RPP38: variants seen among roughly 807,000 people sequenced by gnomAD.
RPP38 encodes the protein ribonuclease P protein subunit p38.
Under a neutral mutation model 1.7 loss-of-function variants are expected in RPP38, and 2 were observed. The observed-to-expected ratio is 1.18, with a 90% CI of 0.48 to 3.70. The LOEUF (loss-of-function observed/expected upper bound fraction) is 3.70. Among genes scored for constraint, RPP38 ranks in the 30% most tolerant of loss-of-function variants. The pLI is 0.07. For synonymous variants in RPP38, 151 were observed against 131.8 expected (o/e 1.15, Z -1.00); for missense variants, 358 against 340.1 (o/e 1.05, Z -0.41).
At chr10:15,102,138 C>G (rs1845125721) in intron 1 of RPP38, 80 bp from the exon 2 acceptor site, 1 of 151,356 alleles carries the variant, frequency 6.6e-6, no homozygotes, top group Non-Finnish European at 1.5e-5. Context: ...TCGGGTCTTG[C>G]TTACTGTGAG....
Position 15,103,998 on chromosome 10 carries a change from C to CAG in RPP38, c.689_690dup (p.Leu231SerfsTer25). Reference sequence around the variant, plus strand: ...AGACTGAACCTCTGGAAAGCCAAGACAGAGAGCTTTTGGACACTTCATTTG... The same window carrying CAG: ...AGACTGAACCTCTGGAAAGCCAAGACAGAGAGAGCTTTTGGACACTTCATTTG... On this transcript the variant is annotated frameshift_variant, in exon 3 of 3. Transcript: ENST00000378197. LOFTEE classifies it low-confidence loss of function (END_TRUNC). The CAG allele has an allele frequency of 6.2e-7, 1 of 1,614,094 alleles. No individual in the cohort carries two copies. The highest frequency in any genetic ancestry group is 8.5e-7 in the Non-Finnish European group (1 of 1,180,002).
rs1845218881 is a variant in RPP38, at chr10:15,104,086, C to A, written c.772C>A (p.Pro258Thr). 2 of 1,609,936 alleles carry A rather than the reference C, an allele frequency of 1.2e-6. No individual in the cohort carries two copies. The highest frequency in any genetic ancestry group is 1.7e-5 in the Admixed American group (1 of 59,016). The change falls in exon 3 of 3, where the codon CCC becomes ACC. Residue 258 changes from proline (P) to threonine (T), a missense_variant. Pro to Thr is a conservative substitution (Grantham distance 38). Transcript: ENST00000378197. Reference sequence around the variant, plus strand: ...TCGGCAGGCTTCTGTAACATTACAACCCCTTAAAATAAAGAAACTGATTCC... The same window carrying A: ...TCGGCAGGCTTCTGTAACATTACAAACCCTTAAAATAAAGAAACTGATTCC... ...DGRQASVTLQ[P>T]LKIKKLIPNP... is the part of the protein sequence containing the mutation.
Position 15,103,770 on chromosome 10 carries a change from A to T in RPP38, c.456A>T (p.Leu152=), listed in dbSNP as rs780364203. The change falls in exon 3 of 3, where the codon CTA becomes CTT. Residue 152 remains leucine, a synonymous_variant. Transcript: ENST00000378197. ...CCTCACACTTGATTCAGTTAAGCCT[A>T]AGCAGAAGTGTCCCTGCCTGTCAGG... is the stretch of plus-strand genomic sequence containing the variant. ...MITSHLIQLS[L]SRSVPACQVP... is the part of the protein sequence containing the mutation. 2 of 1,614,000 alleles carry T rather than the reference A, an allele frequency of 1.2e-6. No individual in the cohort carries two copies. Among genetic ancestry groups the T allele is most frequent in the Admixed American group, 3.3e-5 (2 of 60,008 alleles).
Position 15,103,531 on chromosome 10 carries a change from A to T in RPP38, c.217A>T (p.Lys73Ter), listed in dbSNP as rs1845188455. ...KKKKNKTPFL[K>*]KESREKCSIA... ...GAAAAAGAACAAAACACCTTTTCTGAAAAAAGAAAGCAGAGAGAAATGCAG... is the reference window on the plus strand; with the variant it reads ...GAAAAAGAACAAAACACCTTTTCTGTAAAAAGAAAGCAGAGAGAAATGCAG... Residue 73 changes from lysine (K) to a stop codon, truncating the protein, a stop_gained, in exon 3 of 3, where the codon AAA (lysine) becomes TAA (stop). Coordinates refer to ENST00000378197, the MANE Select transcript of RPP38 (RefSeq NM_183005.5). LOFTEE classifies it low-confidence loss of function (END_TRUNC). 6.2e-7 allele frequency: 1 copy of T among 1,614,016 alleles called. No individual in the cohort carries two copies. The highest frequency in any genetic ancestry group is 1.7e-5 in the Admixed American group (1 of 60,004).
rs117151080 is a variant in RPP38 at position 15,097,371 on chromosome 10, G to A, written c.-525G>A. 2,274 of 152,412 alleles carry A rather than the reference G, an allele frequency of 0.015. 34 individuals are homozygous for A. The highest frequency in any genetic ancestry group is 0.042 in the Admixed American group (641 of 15,306). The allele number at this position is 152,412 out of a possible 1,614,324, so 9.4% of individuals were successfully genotyped here. On this transcript the variant is annotated 5_prime_UTR_variant, in exon 1 of 3. Coordinates refer to ENST00000378197, the MANE Select transcript of RPP38 (RefSeq NM_183005.5). ...AGGCGCACTGGGCGCCGGTGCTGTTGCCTTCAGGTGACCACGGATTCGCCA... is the reference window on the plus strand; with the variant it reads ...AGGCGCACTGGGCGCCGGTGCTGTTACCTTCAGGTGACCACGGATTCGCCA...
chr10:15,100,743 C>G (rs929285432), intron 1 of RPP38, among the ~76,000 whole-genome samples: 2 of 151,462 alleles, frequency 1.3e-5, no homozygotes, highest in African/African-American at 4.9e-5. Context: ...TGCAGTGGCG[C>G]GATCTTGACT....
rs1845187797 is a variant in RPP38, at chr10:15,103,512, G to C, written c.198G>C (p.Lys66Asn). Residue 66 changes from lysine to asparagine, a missense_variant, in exon 3 of 3, where the codon AAG becomes AAC. Coordinates refer to ENST00000378197, the MANE Select transcript of RPP38 (RefSeq NM_183005.5). ...AGAAGATTGAAGATAAGAAGAAAAA[G>C]AACAAAACACCTTTTCTGAAAAAAG... is the stretch of plus-strand genomic sequence containing the variant. ...GLQKIEDKKK[K>N]NKTPFLKKES... 1 of 1,613,910 alleles carries C rather than the reference G, an allele frequency of 6.2e-7. No homozygotes were observed. The highest frequency in any genetic ancestry group is 8.5e-7 in the Non-Finnish European group (1 of 1,180,004).
chr10:15,099,898 G>A (rs1309922230), intron 1 of RPP38, among the ~76,000 whole-genome samples: 1 of 152,222 alleles, frequency 6.6e-6, no homozygotes, highest in African/African-American at 2.4e-5. Context: ...GTTCAAGGCT[G>A]CAGTGAGCCA....
intron 1 of RPP38, among the ~76,000 whole-genome samples, chr10:15,101,121 C>T (rs1025456177): frequency 6.6e-6 from 1 of 152,214 alleles, no homozygotes; most frequent in African/African-American, 2.4e-5. Flanking sequence ...ATTGAAAGAA[C>T]AGAAAACTTG....
chr10:15,100,914 C>T (rs889333486), intron 1 of RPP38, among the ~76,000 whole-genome samples: 1 of 152,194 alleles, frequency 6.6e-6, no homozygotes, highest in Non-Finnish European at 1.5e-5. Context: ...AACTCCTGAC[C>T]TTATGATCCG....
At chr10:15,101,298 G>T (rs552966186) in intron 1 of RPP38, among the ~76,000 whole-genome samples, 1 of 152,326 alleles carries the variant, frequency 6.6e-6, no homozygotes, top group East Asian at 1.9e-4. Context: ...TGCCAGCCTA[G>T]TAAGTGGTAG....
intron 1 of RPP38, among the ~76,000 whole-genome samples, chr10:15,098,905 A>AAAAAGTC (rs1554818067): frequency 0.011 from 1,516 of 136,962 alleles, 144 homozygotes; most frequent in African/African-American, 0.044. Flanking sequence ...AAAAAAAAAA[A>AAAAAGTC]AGTTCCTCTG....
At chr10:15,097,969 T>G (rs964609590) in intron 1 of RPP38, among the ~76,000 whole-genome samples, 5 of 152,162 alleles carry the variant, frequency 3.3e-5, no homozygotes, top group Non-Finnish European at 7.3e-5. Context: ...CTGCGGCGTC[T>G]CTAGTGCAGG....
chr10:15,100,215 A>G (rs1023640399), intron 1 of RPP38, among the ~76,000 whole-genome samples: 1 of 152,158 alleles, frequency 6.6e-6, no homozygotes, highest in Non-Finnish European at 1.5e-5. Flanking sequence ...TTAAGTATTT[A>G]TTCTGTGGTG....
At chr10:15,098,177 C>T (rs1011762821) in intron 1 of RPP38, among the ~76,000 whole-genome samples, 2 of 150,922 alleles carry the variant, frequency 1.3e-5, no homozygotes, top group African/African-American at 4.9e-5. Context: ...AGTTTCTCAC[C>T]GCTTTCTCTA....
intron 1 of RPP38, among the ~76,000 whole-genome samples, chr10:15,098,223 C>G (rs1294868105): frequency 2.8e-5 from 3 of 107,454 alleles, no homozygotes; most frequent in East Asian, 4.3e-4. Flanking sequence ...CTTATTTGAA[C>G]GTGTTTTTTT....
Position 15,103,337 on chromosome 10 carries a change from C to T in RPP38, c.23C>T (p.Pro8Leu), listed in dbSNP as rs77992199. The T allele has an allele frequency of 1.1e-3, 1,739 of 1,577,662 alleles. 13 individuals carry two copies. The African/African-American group carries it at 0.021, about 19-fold the overall frequency. Reference sequence around the variant, plus strand: ...AAAATGGCTGCAGCTCCTCAAGCACCGGGGCGGGGATCTCTCCGTAAGACG... The same window carrying T: ...AAAATGGCTGCAGCTCCTCAAGCACTGGGGCGGGGATCTCTCCGTAAGACG... MAAAPQA[P>L]GRGSLRKTRP... The change falls in exon 3 of 3, where the codon CCG becomes CTG. Residue 8 changes from proline (P) to leucine (L), a missense_variant. Coordinates refer to ENST00000378197, the MANE Select transcript of RPP38 (RefSeq NM_183005.5).
Position 15,104,108 on chromosome 10 carries a change from T to C in RPP38, c.794T>C (p.Ile265Thr). The C allele has an allele frequency of 1.3e-6, 2 of 1,594,912 alleles. No homozygotes were observed. Among genetic ancestry groups the C allele is most frequent in the Non-Finnish European group, 1.7e-6 (2 of 1,175,248 alleles). The change falls in exon 3 of 3, where the codon ATT (isoleucine) becomes ACT (threonine). Residue 265 changes from isoleucine (I) to threonine (T), a missense_variant. Ile to Thr is a moderately conservative substitution (Grantham distance 89). Transcript: ENST00000378197. ...TLQPLKIKKL[I>T]PNPNKIRKPP... ...CAACCCCTTAAAATAAAGAAACTGA[T>C]TCCAAACCCTAATAAGATAAGGAAA...
At chr10:15,101,292 A>G (rs1845101908) in intron 1 of RPP38, among the ~76,000 whole-genome samples, 2 of 152,230 alleles carry the variant, frequency 1.3e-5, no homozygotes, top group African/African-American at 2.4e-5. Context: ...ATCAGCTGCC[A>G]GCCTAGTAAG....
Sources: allele counts gnomAD v4.1 joint callset (sites outside exome capture counted in the v4.1 genomes callset), GRCh38; gene constraint gnomAD v4.1.1; transcripts MANE v1.5; gene names NCBI Gene and HGNC (gene_info 2026-07-23, HGNC 2026-07-21).